SLC14A2: variants seen among roughly 807,000 people sequenced by gnomAD.
SLC14A2 encodes urea transporter 2.
SLC14A2 carries 91 observed loss-of-function variants against 104.6 expected under a neutral mutation model. That is an observed-to-expected ratio of 0.87 (90% confidence interval 0.73 to 1.04). SLC14A2 has a LOEUF of 1.04. Among genes scored for constraint, SLC14A2 ranks in the 50% least tolerant of loss-of-function variants. SLC14A2 has a pLI of 0.00. For missense variants in SLC14A2, 1,189 were observed against 1,156.0 expected (o/e 1.03, Z -0.41); for synonymous variants, 476 against 466.4 (o/e 1.02, Z -0.27).
chr18:45,292,707 T>C (rs2084881763), intron 1 of SLC14A2, among the ~76,000 whole-genome samples: 1 of 152,190 alleles, frequency 6.6e-6, no homozygotes, highest in South Asian at 2.1e-4. Flanking sequence ...CTGTTGGTGG[T>C]GGGACCGGCT....
chr18:45,256,724 G>C (rs963668260), intron 1 of SLC14A2, among the ~76,000 whole-genome samples: 1 of 152,216 alleles, frequency 6.6e-6, no homozygotes, highest in Non-Finnish European at 1.5e-5. Context: ...ACCAATTGAT[G>C]ACCAAAATCA....
chr18:45,208,750 C>T (rs2083935946), upstream of SLC14A2, among the ~76,000 whole-genome samples: 1 of 151,448 alleles, frequency 6.6e-6, no homozygotes, highest in Non-Finnish European at 1.5e-5. Context: ...AGAAACAGGG[C>T]AGAGTGAGTG....
At chr18:45,246,007 A>C (rs1339220230) in intron 1 of SLC14A2, among the ~76,000 whole-genome samples, 1 of 152,196 alleles carries the variant, frequency 6.6e-6, no homozygotes, top group East Asian at 1.9e-4. Context: ...TTATGGACTG[A>C]ATTGTGTTTC....
rs547794083 is a variant in SLC14A2 at position 45,475,915 on chromosome 18, G to A, written c.-124-7318G>A. Among the ~76,000 whole-genome samples the A allele has an allele frequency of 7.2e-5, 11 of 151,792 alleles. No individual in the cohort carries two copies. The East Asian group carries it at 2.1e-3, about 29-fold the overall frequency. ...GTCTTCTGAATACAGCACAGTAATT[G>A]GTCTTGACTCTTTATCCAATTTTCC... On this transcript the variant is annotated intron_variant, in intron 1 of 20. Transcript: ENST00000586448.
At chr18:45,458,424 G>A (rs749871361) in intron 1 of SLC14A2, among the ~76,000 whole-genome samples, 1 of 152,104 alleles carries the variant, frequency 6.6e-6, no homozygotes, top group Non-Finnish European at 1.5e-5. Context: ...ATTTGGCAGG[G>A]TACCCCACAC....
chr18:45,451,282 A>AG (rs2086853767), intron 1 of SLC14A2, among the ~76,000 whole-genome samples: 1 of 151,976 alleles, frequency 6.6e-6, no homozygotes, highest in Admixed American at 6.6e-5. Context: ...TCCCTAAGAG[A>AG]GGGGGTTCTC....
intron 2 of SLC14A2, among the ~76,000 whole-genome samples, chr18:45,487,801 C>A (rs904519287): frequency 6.6e-6 from 1 of 152,150 alleles, no homozygotes; most frequent in African/African-American, 2.4e-5. Context: ...ACTTTAAACT[C>A]TTTCTCTGAT....
intron 2 of SLC14A2, among the ~76,000 whole-genome samples, chr18:45,498,412 G>A (rs1320792770): frequency 6.6e-6 from 1 of 152,250 alleles, no homozygotes; most frequent in Non-Finnish European, 1.5e-5. Context: ...GCAGCGAGAA[G>A]CTGCCAGACG....
At chr18:45,277,198 A>G (rs1180452778) in intron 1 of SLC14A2, among the ~76,000 whole-genome samples, 3 of 152,230 alleles carry the variant, frequency 2.0e-5, no homozygotes, top group African/African-American at 4.8e-5. Flanking sequence ...GTTCTGCTAC[A>G]TATTAGCTGT....
chr18:45,517,796 A>C (rs1403881056), intron 2 of SLC14A2, among the ~76,000 whole-genome samples: 1 of 152,182 alleles, frequency 6.6e-6, no homozygotes, highest in Non-Finnish European at 1.5e-5. Flanking sequence ...TGAAAACTTT[A>C]ATCTCTCTTT....
intron 1 of SLC14A2, among the ~76,000 whole-genome samples, chr18:45,269,855 G>A (rs542631088): frequency 3.9e-5 from 6 of 152,190 alleles, no homozygotes; most frequent in Admixed American, 1.3e-4. Context: ...AGATCATATC[G>A]TACCATTTAT....
At chr18:45,475,619 G>GAT (rs200761666) in intron 1 of SLC14A2, among the ~76,000 whole-genome samples, 5,939 of 68,210 alleles carry the variant, frequency 0.087, 715 homozygotes, top group African/African-American at 0.25. Context: ...ATATATTTAG[G>GAT]ATATATATAT....
chr18:45,410,828 G>C (rs561842962), intron 1 of SLC14A2, among the ~76,000 whole-genome samples: 2 of 152,162 alleles, frequency 1.3e-5, no homozygotes, highest in Non-Finnish European at 2.9e-5. Context: ...AGACTTCCTC[G>C]CTTAAGAAAA....
At chr18:45,343,574 T>G (rs780361787) in intron 1 of SLC14A2, among the ~76,000 whole-genome samples, 1 of 152,162 alleles carries the variant, frequency 6.6e-6, no homozygotes, top group Non-Finnish European at 1.5e-5. Flanking sequence ...TATCTCGCCT[T>G]TGTAATTGGA....
At chr18:45,321,197 G>GA (rs1764301505) in intron 1 of SLC14A2, among the ~76,000 whole-genome samples, 1 of 152,162 alleles carries the variant, frequency 6.6e-6, no homozygotes, top group Non-Finnish European at 1.5e-5. Context: ...TGTTGACTTG[G>GA]AATATGAAGG....
intron 10 of SLC14A2, among the ~76,000 whole-genome samples, chr18:45,651,151 G>T (rs2045730023): frequency 6.6e-6 from 1 of 152,182 alleles, no homozygotes; most frequent in Admixed American, 6.5e-5. Flanking sequence ...TCCTGAGAAG[G>T]TACCACAGTA....
chr18:45,581,381 GGA>G (rs2044489945), intron 2 of SLC14A2, among the ~76,000 whole-genome samples: 1 of 152,194 alleles, frequency 6.6e-6, no homozygotes, highest in East Asian at 1.9e-4. Context: ...TCCAAGCTAA[GGA>G]GAGAGGCCGT....
At chr18:45,488,989 AT>A (rs534408591) in intron 2 of SLC14A2, among the ~76,000 whole-genome samples, 64 of 152,316 alleles carry the variant, frequency 4.2e-4, no homozygotes, top group Admixed American at 1.2e-3. Flanking sequence ...AGGACATATT[AT>A]TTTTGAAAAA....
At chr18:45,339,138 G>C (rs1359459515) in intron 1 of SLC14A2, among the ~76,000 whole-genome samples, 3 of 152,038 alleles carry the variant, frequency 2.0e-5, no homozygotes, top group Non-Finnish European at 4.4e-5. Context: ...TTGTTTGTTT[G>C]TTTTTAGTAG....
Sources: allele counts gnomAD v4.1 joint callset (sites outside exome capture counted in the v4.1 genomes callset), GRCh38; gene constraint gnomAD v4.1.1; transcripts MANE v1.5; gene names NCBI Gene and HGNC (gene_info 2026-07-23, HGNC 2026-07-21).